Variants in GLOD4 observed in about 807,000 individuals in gnomAD.
GLOD4 encodes glyoxalase domain containing 4, also known as glyoxalase domain-containing protein 4.
GLOD4 carries 44 observed loss-of-function variants against 39.1 expected under a neutral mutation model. The ratio of observed to expected loss-of-function variants is 1.13; its 90% CI spans 0.88 to 1.45. The LOEUF (loss-of-function observed/expected upper bound fraction) is 1.45, where lower values mean the gene tolerates loss of function less well. GLOD4 is among the 40% of genes most tolerant of loss of function. GLOD4 has a pLI of 0.00. For synonymous variants in GLOD4, 145 were observed against 135.0 expected (o/e 1.07, Z -0.52); for missense variants, 405 against 366.4 (o/e 1.11, Z -0.86).
rs1905125798 is a variant in GLOD4, at chr17:759,393, C to T, written c.*780G>A. The T allele has an allele frequency of 6.6e-6, 1 of 152,090 alleles. No individual in the cohort carries two copies. Among genetic ancestry groups the T allele is most frequent in the Non-Finnish European group, 1.5e-5 (1 of 68,014 alleles). 9.4% of individuals were successfully genotyped at this position (152,090 alleles called of 1,614,324 possible). The stretch of plus-strand genomic sequence containing the variant: ...TAATTCCATTTCGAGTGATTAAAAC[C>T]TATTTGTTGTTTAGAACCAAACAAA... On this transcript the variant is annotated 3_prime_UTR_variant, in exon 9 of 9. Transcript: ENST00000301329.
At chr17:775,664 A>G (rs1597585900) in intron 4 of GLOD4, 111 bp downstream of exon 4, 4 of 831,236 alleles carry the variant, frequency 4.8e-6, no homozygotes. Context: ...CTGGCTGGGG[A>G]AGACACGTCA....
At chr17:785,668 A>G (rs1392280925), upstream of GLOD4, among the ~76,000 whole-genome samples, 1 of 152,234 alleles carries the variant, frequency 6.6e-6, no homozygotes, top group Non-Finnish European at 1.5e-5. Flanking sequence ...CGTTTTGCAG[A>G]GTATGTCCCT....
chr17:778,828 A>G (rs967169912), intron 1 of GLOD4, 84 bp from the exon 2 acceptor site: 1 of 727,914 alleles, frequency 1.4e-6, no homozygotes, highest in Non-Finnish European at 2.4e-6. Flanking sequence ...GTCAAAACAC[A>G]AACATTATCA....
At chr17:771,249 G>A in intron 5 of GLOD4, 76 bp downstream of exon 5, 1 of 862,604 alleles carries the variant, frequency 1.2e-6, no homozygotes, top group Non-Finnish European at 1.8e-6. Context: ...CATTTATAAA[G>A]GTTATAAGCC....
chr17:778,715 G>A lies in GLOD4; in HGVS notation c.120C>T (p.Gly40=), dbSNP rs751556075. The A allele has an allele frequency of 4.4e-6, 7 of 1,602,262 alleles. No homozygotes were observed. The South Asian group carries it at 7.7e-5, about 18-fold the overall frequency. The part of the protein sequence containing the change: ...KVLRHEEFEE[G]CKAACNGPYD... ...CATACCCATTACAGGCAGCTTTGCAGCCTTCTTCAAATTCCTCATGCCGCA... is the reference window on the plus strand; with the variant it reads ...CATACCCATTACAGGCAGCTTTGCAACCTTCTTCAAATTCCTCATGCCGCA... The change falls in exon 2 of 9, where the codon GGC becomes GGT. Residue 40 remains glycine, a synonymous_variant. Coordinates refer to ENST00000301329, the MANE Select transcript of GLOD4 (RefSeq NM_016080.4).
intron 3 of GLOD4, among the ~76,000 whole-genome samples, chr17:776,667 G>C (rs778472505): frequency 6.6e-6 from 1 of 152,160 alleles, no homozygotes; most frequent in African/African-American, 2.4e-5. Flanking sequence ...CACGCCAGAT[G>C]TTACCTGACG....
chr17:766,589 C>T (rs960002811), intron 8 of GLOD4, among the ~76,000 whole-genome samples: 2 of 151,606 alleles, frequency 1.3e-5, no homozygotes, highest in African/African-American at 4.9e-5. Flanking sequence ...GAGCAAGAAT[C>T]CGTCTCAAAA....
rs1288498356 is a variant in GLOD4, at chr17:775,887, G to A, written c.294C>T (p.Ser98=). 2.5e-6 allele frequency: 4 copies of A among 1,613,382 alleles called. No homozygotes were observed. Among genetic ancestry groups the A allele is most frequent in the Non-Finnish European group, 2.5e-6 (3 of 1,179,296 alleles). The change falls in exon 4 of 9, where the codon AGC becomes AGT. Residue 98 remains serine, a synonymous_variant. Transcript: ENST00000301329. The part of the protein sequence containing the change: ...GITLASSQAV[S]NARKLEWPLT... ...GTGGCCACTCCAGCTTCCTGGCGTT[G>A]CTGACAGCCTGGCTAGAAGCGAGCG...
intron 1 of GLOD4, 192 bp downstream of exon 1, chr17:781,974 G>C (rs1447724348): frequency 1.7e-6 from 1 of 584,310 alleles, no homozygotes; most frequent in Non-Finnish European, 3.1e-6. Flanking sequence ...ATCGTGTTAG[G>C]CCCTTCTCCA....
At chr17:783,163 C>T, upstream of GLOD4, 2 of 1,614,034 alleles carry the variant, frequency 1.2e-6, no homozygotes, top group Non-Finnish European at 1.7e-6. Context: ...AGGCTCATTT[C>T]AGACGCTCTC....
Position 770,050 on chromosome 17 carries a change from G to T in GLOD4, c.738C>A (p.Ala246=). 6.2e-7 allele frequency: 1 copy of T among 1,602,714 alleles called. No homozygotes were observed. Among genetic ancestry groups the T allele is most frequent in the East Asian group, 2.2e-5 (1 of 44,832 alleles). The part of the protein sequence containing the change: ...GKATVQVVIL[A]DPDGHEICFV... Reference sequence around the variant, plus strand: ...CTGCCTGAGAAATACTTACAGGGTCGGCCAGAATGACCACCTGTACTGTTG... The same window carrying T: ...CTGCCTGAGAAATACTTACAGGGTCTGCCAGAATGACCACCTGTACTGTTG... Residue 246 remains alanine (A), a synonymous_variant, in exon 7 of 9, where the codon GCC becomes GCA. Transcript: ENST00000301329.
At chr17:765,774 C>G (rs545181397) in intron 8 of GLOD4, among the ~76,000 whole-genome samples, 63 of 151,944 alleles carry the variant, frequency 4.1e-4, no homozygotes, top group African/African-American at 1.5e-3. Flanking sequence ...CATGGTGAAA[C>G]CCCATCTCTA....
At chr17:781,048 G>A (rs1249515998) in intron 1 of GLOD4, among the ~76,000 whole-genome samples, 2 of 151,308 alleles carry the variant, frequency 1.3e-5, no homozygotes, top group Non-Finnish European at 1.5e-5. Context: ...AGCCTCCCGA[G>A]TAGCTGGGAT....
At chr17:776,797 G>A in intron 3 of GLOD4, 71 bp downstream of exon 3, 2 of 1,110,666 alleles carry the variant, frequency 1.8e-6, no homozygotes, top group Non-Finnish European at 2.8e-6. Context: ...CACACCCTTG[G>A]CACTCTACTC....
chr17:770,185 CA>C (rs751444806), intron 6 of GLOD4, 28 bp from the exon 7 acceptor site: 1 of 1,265,504 alleles, frequency 7.9e-7, no homozygotes, highest in Non-Finnish European at 1.2e-6. Context: ...CAACGTGAGC[CA>C]GGGGTCACAC....
At chr17:772,543 A>C (rs777369387) in intron 4 of GLOD4, among the ~76,000 whole-genome samples, 26 of 152,192 alleles carry the variant, frequency 1.7e-4, no homozygotes, top group Non-Finnish European at 2.1e-4. Flanking sequence ...TATACAACAC[A>C]GTAGGGGGAA....
At chr17:763,017 A>T (rs1379894533) in intron 8 of GLOD4, among the ~76,000 whole-genome samples, 3 of 151,992 alleles carry the variant, frequency 2.0e-5, no homozygotes, top group Non-Finnish European at 4.4e-5. Flanking sequence ...TCTACTAAAA[A>T]TACAAAAAAA....
intron 8 of GLOD4, among the ~76,000 whole-genome samples, chr17:768,044 G>T (rs627006): frequency 7.1e-6 from 1 of 140,838 alleles, no homozygotes; most frequent in Non-Finnish European, 1.5e-5. Flanking sequence ...AAGAAATCTG[G>T]AGAGGACGTG....
At position 775,767 on chromosome 17, in the gene GLOD4, A is replaced by T; in HGVS notation, c.406+8T>A. On this transcript the variant is annotated splice_region_variant and intron_variant, in intron 4 of 8. Transcript: ENST00000301329. ...GACAGAGGCTTTTACTGGTTCTGGTATAATTACCTGACTGAGGCAGACTGC... is the reference window on the plus strand; with the variant it reads ...GACAGAGGCTTTTACTGGTTCTGGTTTAATTACCTGACTGAGGCAGACTGC... 1 of 1,612,454 alleles carries T rather than the reference A, an allele frequency of 6.2e-7. No individual in the cohort carries two copies. The highest frequency in any genetic ancestry group is 8.5e-7 in the Non-Finnish European group (1 of 1,178,556).
Sources: gnomAD v4.1 joint callset for allele counts (sites outside exome capture counted in the v4.1 genomes callset) on GRCh38, gnomAD v4.1.1 for gene constraint, MANE v1.5 for transcripts, NCBI Gene and HGNC (gene_info 2026-07-23, HGNC 2026-07-21) for gene names.